The following INPP4B variants were observed in gnomAD, a reference collection of about 807,000 sequenced individuals.
INPP4B encodes the protein inositol polyphosphate 4-phosphatase type II.
A neutral mutation model predicts 122.5 loss-of-function variants in INPP4B; 55 were observed. That is an observed-to-expected ratio of 0.45 (90% CI 0.36 to 0.56). The LOEUF (loss-of-function observed/expected upper bound fraction) is 0.56. INPP4B is among the 20% of genes least tolerant of loss of function. The probability of loss-of-function intolerance (pLI) is 0.00; values close to 1 mark genes in which losing one functional copy is unlikely to be tolerated. For synonymous variants in INPP4B, 403 were observed against 388.7 expected (o/e 1.04, Z -0.43); for missense variants, 1,000 against 1,097.7 (o/e 0.91, Z 1.26).
At chr4:142,835,203 A>T (rs947269227) in intron 1 of INPP4B, among the ~76,000 whole-genome samples, 3 of 152,156 alleles carry the variant, frequency 2.0e-5, no homozygotes, top group Admixed American at 6.5e-5. Flanking sequence ...AGGAGTAGAT[A>T]AGTAGGCCTG....
At chr4:142,202,932 C>A (rs1203675309) in intron 14 of INPP4B, among the ~76,000 whole-genome samples, 3 of 152,058 alleles carry the variant, frequency 2.0e-5, no homozygotes, top group African/African-American at 7.2e-5. Context: ...TTTGTGGTCT[C>A]CTTTATTACT....
At chr4:142,686,081 G>C (rs1039182412) in intron 2 of INPP4B, among the ~76,000 whole-genome samples, 1 of 152,002 alleles carries the variant, frequency 6.6e-6, no homozygotes, top group Non-Finnish European at 1.5e-5. Flanking sequence ...GGTTGGAACT[G>C]GGACTGCAAA....
In INPP4B at chr4:142,112,663, C is replaced by T. The variant is rs1790805542; in HGVS notation, c.2155G>A (p.Val719Ile). 1 of 1,612,386 alleles carries T rather than the reference C, an allele frequency of 6.2e-7. No homozygotes were observed. The highest frequency in any genetic ancestry group is 8.5e-7 in the Non-Finnish European group (1 of 1,179,284). ...TCAAACATTCTGGCTGGAAGCTTGA[C>T]CTCTACCACGTAATGTTCTCTAAAG... Reference protein sequence around the residue: ...TGRREHYVVEVKLPARMFESL... With the variant: ...TGRREHYVVEIKLPARMFESL... The change falls in exon 22 of 26, where the codon GTC (valine) becomes ATC (isoleucine). Residue 719 changes from valine to isoleucine, a missense_variant. Coordinates refer to ENST00000262992, the MANE Select transcript of INPP4B (RefSeq NM_001101669.3).
At chr4:142,444,133 G>T (rs1387207683) in intron 3 of INPP4B, among the ~76,000 whole-genome samples, 1 of 152,142 alleles carries the variant, frequency 6.6e-6, no homozygotes, top group South Asian at 2.1e-4. Flanking sequence ...TAACAGAGAT[G>T]CAGAATGCCT....
intron 11 of INPP4B, among the ~76,000 whole-genome samples, chr4:142,254,847 C>G (rs1301133306): frequency 6.6e-6 from 1 of 151,918 alleles, no homozygotes; most frequent in African/African-American, 2.4e-5. Flanking sequence ...TCAGGAAATA[C>G]AGAGAATGCC....
intron 2 of INPP4B, among the ~76,000 whole-genome samples, chr4:142,684,984 G>C (rs1759139711): frequency 6.6e-6 from 1 of 152,052 alleles, no homozygotes; most frequent in African/African-American, 2.4e-5. Context: ...ACATATGTGT[G>C]ACTTTGAACA....
intron 7 of INPP4B, among the ~76,000 whole-genome samples, chr4:142,327,207 G>A: frequency 6.6e-6 from 1 of 152,086 alleles, no homozygotes; most frequent in East Asian, 1.9e-4. Context: ...ACAGCAATAT[G>A]AACAAAAGCA....
intron 1 of INPP4B, among the ~76,000 whole-genome samples, chr4:142,732,770 G>T (rs769852549): frequency 6.6e-6 from 1 of 152,012 alleles, no homozygotes; most frequent in Admixed American, 6.6e-5. Flanking sequence ...AATTAATCTG[G>T]ATATTCATGG....
chr4:142,256,391 C>A (rs9681863), intron 11 of INPP4B, among the ~76,000 whole-genome samples: 135,781 of 150,616 alleles, frequency 0.9, 61,513 homozygotes, highest in East Asian at 0.96. Flanking sequence ...ACAAAAAACC[C>A]TTCAAAAAAT....
chr4:142,689,602 C>T (rs1759864330), intron 2 of INPP4B, among the ~76,000 whole-genome samples: 1 of 152,060 alleles, frequency 6.6e-6, no homozygotes, highest in South Asian at 2.1e-4. Flanking sequence ...CAACAAGCCA[C>T]AAAATATTTG....
At chr4:142,760,844 T>C (rs908004011) in intron 1 of INPP4B, among the ~76,000 whole-genome samples, 1 of 152,134 alleles carries the variant, frequency 6.6e-6, no homozygotes, top group Non-Finnish European at 1.5e-5. Flanking sequence ...ACCCTTCTAC[T>C]TTGCCTAAAT....
intron 2 of INPP4B, among the ~76,000 whole-genome samples, chr4:142,671,634 A>G (rs1214464156): frequency 6.6e-6 from 1 of 152,120 alleles, no homozygotes; most frequent in Non-Finnish European, 1.5e-5. Context: ...ATTGCCAGTG[A>G]CACTTGGGAA....
chr4:142,664,802 A>G (rs974716807), intron 2 of INPP4B, among the ~76,000 whole-genome samples: 12 of 152,234 alleles, frequency 7.9e-5, no homozygotes, highest in African/African-American at 7.2e-5. Context: ...GCTTTTTTCA[A>G]CCAAAATCCT....
intron 17 of INPP4B, 144 bp from the exon 18 acceptor site, chr4:142,146,140 C>A (rs1810593325): frequency 1.2e-6 from 1 of 867,984 alleles, no homozygotes; most frequent in Non-Finnish European, 1.8e-6. Flanking sequence ...TTAATTTGGT[C>A]AGACTATGGA....
chr4:142,113,818 G>T (rs148607181), intron 21 of INPP4B, among the ~76,000 whole-genome samples: 1 of 152,040 alleles, frequency 6.6e-6, no homozygotes, highest in East Asian at 1.9e-4. Flanking sequence ...GCTTTATTAA[G>T]AAATTGATAT....
chr4:142,123,506 T>A (rs1797443815), intron 19 of INPP4B, 91 bp from the exon 20 acceptor site: 1 of 1,299,124 alleles, frequency 7.7e-7, no homozygotes, highest in Non-Finnish European at 1.1e-6. Context: ...GCATCACAGA[T>A]TCGATTATCA....
chr4:142,580,850 A>G (rs1400911574), intron 2 of INPP4B, among the ~76,000 whole-genome samples: 1 of 152,034 alleles, frequency 6.6e-6, no homozygotes, highest in African/African-American at 2.4e-5. Context: ...GTAGATTGCA[A>G]GGTGCTGTTT....
intron 7 of INPP4B, among the ~76,000 whole-genome samples, chr4:142,387,789 G>C (rs901450453): frequency 3.3e-5 from 5 of 152,118 alleles, no homozygotes; most frequent in Non-Finnish European, 7.3e-5. Flanking sequence ...GTGTCTTTCT[G>C]TATTGTTCTA....
chr4:142,067,792 A>G (rs1764454316), intron 25 of INPP4B, among the ~76,000 whole-genome samples: 1 of 152,214 alleles, frequency 6.6e-6, no homozygotes, highest in Admixed American at 6.5e-5. Flanking sequence ...AAAAGAGTAA[A>G]AAGAAACGAA....
Sources: allele counts gnomAD v4.1 joint callset (sites outside exome capture counted in the v4.1 genomes callset), GRCh38; gene constraint gnomAD v4.1.1; transcripts MANE v1.5; gene names NCBI Gene and HGNC (gene_info 2026-07-23, HGNC 2026-07-21).